ZBTB16: variants seen among roughly 807,000 people sequenced by gnomAD.
The protein encoded by ZBTB16 is zinc finger and BTB domain-containing protein 16.
Under a neutral mutation model 56.8 loss-of-function variants are expected in ZBTB16, and 8 were observed. That is an observed-to-expected ratio of 0.14 (90% CI 0.08 to 0.25). ZBTB16 has a LOEUF of 0.25. ZBTB16 is among the 10% of genes least tolerant of loss of function. ZBTB16 has a pLI of 1.00. For missense variants in ZBTB16, 625 were observed against 903.0 expected (o/e 0.69, Z 3.95); for synonymous variants, 363 against 368.5 (o/e 0.98, Z 0.17).
In ZBTB16 at chr11:114,254,683, C is replaced by T. The variant is rs562817755; in HGVS notation, c.*4128C>T. 1.6e-3 allele frequency among the ~76,000 whole-genome samples: 239 copies of T among 152,316 alleles called. 1 individual carries two copies. The highest frequency in any genetic ancestry group is 5.6e-3 in the African/African-American group (232 of 41,558). ...ACTCTGTTCATTCACTTTTCCTAGG[C>T]CCATCCTGTGGTCATCTTTCCCCCT... On this transcript the variant is annotated 3_prime_UTR_variant, in exon 7 of 7. Transcript: ENST00000335953.
intron 2 of ZBTB16, among the ~76,000 whole-genome samples, chr11:114,075,205 T>G (rs1201462620): frequency 6.6e-6 from 1 of 152,196 alleles, no homozygotes; most frequent in Admixed American, 6.5e-5. Context: ...TGTCTGGAAT[T>G]GAACCTGGGT....
chr11:114,228,186 T>C (rs1161539994), intron 4 of ZBTB16, among the ~76,000 whole-genome samples: 1 of 152,220 alleles, frequency 6.6e-6, no homozygotes, highest in African/African-American at 2.4e-5. Flanking sequence ...TATCAAAATA[T>C]TTTTTAAAAA....
intron 3 of ZBTB16, among the ~76,000 whole-genome samples, chr11:114,159,005 G>A (rs762257933): frequency 2.0e-5 from 3 of 152,228 alleles, no homozygotes; most frequent in East Asian, 1.9e-4. Context: ...TCTTCCAGGC[G>A]GTGTGACCCA....
chr11:114,250,274 C>T lies in ZBTB16; in HGVS notation c.1793-52C>T. ...ACGCCTGAGGGTGACATGGTGCCCT[C>T]ACCGCCTTCTGTCTGTCCTCACTTT... On this transcript the variant is annotated intron_variant, in intron 6 of 6. Transcript: ENST00000335953. The surrounding 1 kb of genome is among the most constrained non-coding windows in gnomAD (Gnocchi z 6.0). The T allele has an allele frequency of 1.3e-6, 2 of 1,589,456 alleles. No homozygotes were observed. Among genetic ancestry groups the T allele is most frequent in the Non-Finnish European group, 1.7e-6 (2 of 1,169,396 alleles).
chr11:114,108,023 T>C (rs889202167), intron 2 of ZBTB16, among the ~76,000 whole-genome samples: 2 of 152,088 alleles, frequency 1.3e-5, no homozygotes, highest in Non-Finnish European at 2.9e-5. Flanking sequence ...TAGTTTGTAC[T>C]CAGGAAGCAT....
chr11:114,243,840 G>A (rs967946926), intron 5 of ZBTB16, among the ~76,000 whole-genome samples: 1 of 152,160 alleles, frequency 6.6e-6, no homozygotes, highest in African/African-American at 2.4e-5. Context: ...ATCCACCCAG[G>A]ATGTGCCCTG....
chr11:114,206,913 G>A (rs1465952729), intron 4 of ZBTB16, among the ~76,000 whole-genome samples: 2 of 152,138 alleles, frequency 1.3e-5, no homozygotes, highest in Non-Finnish European at 2.9e-5. Context: ...GGTGCCCTTG[G>A]TTTGACAGCT....
At chr11:114,237,817 CA>C (rs1015566446) in intron 4 of ZBTB16, among the ~76,000 whole-genome samples, 7 of 152,316 alleles carry the variant, frequency 4.6e-5, no homozygotes, top group Non-Finnish European at 8.8e-5. Flanking sequence ...ACATCTCCCC[CA>C]CTTTTCCATT....
At chr11:114,230,191 C>A (rs980131379) in intron 4 of ZBTB16, among the ~76,000 whole-genome samples, 5 of 152,146 alleles carry the variant, frequency 3.3e-5, no homozygotes, top group African/African-American at 9.7e-5. Context: ...GGCAAAACAA[C>A]CTCTGTCCTT....
chr11:114,224,617 T>C (rs1944295212), intron 4 of ZBTB16, among the ~76,000 whole-genome samples: 1 of 152,154 alleles, frequency 6.6e-6, no homozygotes, highest in Admixed American at 6.5e-5. Flanking sequence ...TGGGTGAGTT[T>C]ATATAACAAG....
intron 2 of ZBTB16, among the ~76,000 whole-genome samples, chr11:114,118,996 G>A (rs1012661808): frequency 1.3e-5 from 2 of 152,036 alleles, no homozygotes; most frequent in African/African-American, 4.8e-5. Flanking sequence ...CAGGTGCGGT[G>A]GCTCACACCT....
In ZBTB16 at chr11:114,090,736, C is replaced by A. The variant is rs532950464; in HGVS notation, c.1268+26168C>A. The stretch of plus-strand genomic sequence containing the variant: ...TTGTAGAGAGGCCTGAAACCCACTT[C>A]AGTTTCCTGGACAGGCTGGGAGTGT... On this transcript the variant is annotated intron_variant, in intron 2 of 6. Transcript: ENST00000335953. Among the ~76,000 whole-genome samples the A allele has an allele frequency of 4.7e-4, 71 of 152,310 alleles. 1 individual carries two copies. The Middle Eastern group carries it at 0.017, about 36-fold the overall frequency.
intron 4 of ZBTB16, among the ~76,000 whole-genome samples, chr11:114,219,148 G>A (rs1944171551): frequency 6.6e-6 from 1 of 152,196 alleles, no homozygotes; most frequent in Admixed American, 6.5e-5. Flanking sequence ...CATTAGAATG[G>A]GGGAGACAAC....
At position 114,206,896 on chromosome 11, in the gene ZBTB16, T is replaced by G. The variant is rs1024426416; in HGVS notation, c.1453+19858T>G. On this transcript the variant is annotated intron_variant, in intron 4 of 6. Coordinates refer to ENST00000335953, the MANE Select transcript of ZBTB16 (RefSeq NM_006006.6). ...TCCCCCATGTTACTTCTCTGTCTGA[T>G]CTCTCAGGTGCCCTTGGTTTGACAG... Among the ~76,000 whole-genome samples, 6 of 152,182 alleles carry G rather than the reference T, an allele frequency of 3.9e-5. No individual in the cohort carries two copies. In the South Asian group the frequency reaches 1.2e-3, roughly 32 times the overall value.
chr11:114,067,844 G>A (rs1021738832), intron 2 of ZBTB16, among the ~76,000 whole-genome samples: 1 of 152,102 alleles, frequency 6.6e-6, no homozygotes, highest in Non-Finnish European at 1.5e-5. Context: ...CGTGTGCTCA[G>A]CCCTCACTCA....
chr11:114,158,278 C>T (rs923797651), intron 3 of ZBTB16, among the ~76,000 whole-genome samples: 1 of 152,196 alleles, frequency 6.6e-6, no homozygotes, highest in African/African-American at 2.4e-5. Context: ...TTTGCCCTCT[C>T]AGCCGCAGTA....
At chr11:114,072,551 C>T (rs1473698239) in intron 2 of ZBTB16, among the ~76,000 whole-genome samples, 1 of 152,180 alleles carries the variant, frequency 6.6e-6, no homozygotes, top group East Asian at 1.9e-4. Context: ...AGCTCCTTCC[C>T]TTTCCTGCCT....
At chr11:114,115,341 C>CTTT (rs35873921) in intron 2 of ZBTB16, among the ~76,000 whole-genome samples, 1 of 127,518 alleles carries the variant, frequency 7.8e-6, no homozygotes, top group South Asian at 2.6e-4. Flanking sequence ...CTCCTTCCTC[C>CTTT]TTTTTTTTTT....
At chr11:114,197,860 T>TGGCACGAGGGACAGTGCTG (rs1943644209) in intron 4 of ZBTB16, among the ~76,000 whole-genome samples, 1 of 152,034 alleles carries the variant, frequency 6.6e-6, no homozygotes, top group Non-Finnish European at 1.5e-5. Flanking sequence ...GCCCTGAGCT[T>TGGCACGAGGGACAGTGCTG]GGCACGAGGG....
Sources: gnomAD v4.1 joint callset for allele counts (sites outside exome capture counted in the v4.1 genomes callset) on GRCh38, gnomAD v4.1.1 for gene constraint, Gnocchi (gnomAD v3.1) non-coding constraint, MANE v1.5 for transcripts, NCBI Gene and HGNC (gene_info 2026-07-23, HGNC 2026-07-21) for gene names.